The following ANKFN1 variants were observed in gnomAD, a reference collection of about 807,000 sequenced individuals.
The protein encoded by ANKFN1 is ankyrin repeat and fibronectin type III domain containing 1, also known as ankyrin repeat and fibronectin type-III domain-containing protein 1.
ANKFN1 carries 74 observed loss-of-function variants against 108.7 expected under a neutral mutation model. The ratio of observed to expected loss-of-function variants is 0.68; its 90% CI spans 0.56 to 0.83. The LOEUF (loss-of-function observed/expected upper bound fraction) is 0.83. Ranked by LOEUF, ANKFN1 falls within the 40% of genes least tolerant of loss-of-function variation. The probability of loss-of-function intolerance (pLI) is 0.00; values close to 1 mark genes in which losing one functional copy is unlikely to be tolerated. For synonymous variants in ANKFN1, 547 were observed against 516.2 expected (o/e 1.06, Z -0.81); for missense variants, 1,505 against 1,382.3 (o/e 1.09, Z -1.41).
intron 8 of ANKFN1, among the ~76,000 whole-genome samples, chr17:56,433,300 A>G (rs1466505516): frequency 2.0e-5 from 3 of 152,182 alleles, no homozygotes; most frequent in African/African-American, 7.2e-5. Flanking sequence ...GTAAAACAAA[A>G]AGCAACAAAG....
At chr17:56,459,616 A>G (rs1284615158) in intron 14 of ANKFN1, among the ~76,000 whole-genome samples, 1 of 152,202 alleles carries the variant, frequency 6.6e-6, no homozygotes, top group Non-Finnish European at 1.5e-5. Flanking sequence ...GGATCCTCCC[A>G]TCATCCTACC....
At chr17:56,048,670 C>T (rs565418149) in intron 4 of ANKFN1, among the ~76,000 whole-genome samples, 1 of 152,310 alleles carries the variant, frequency 6.6e-6, no homozygotes, top group Non-Finnish European at 1.5e-5. Context: ...CTCTCATTTC[C>T]ATCCCTGTAA....
chr17:56,478,007 A>G (rs9908750), intron 16 of ANKFN1, among the ~76,000 whole-genome samples: 3 of 152,100 alleles, frequency 2.0e-5, no homozygotes, highest in East Asian at 1.9e-4. Context: ...TTGTATTTTT[A>G]GTAGAGATGG....
rs189429600 is a variant in ANKFN1 at position 56,207,805 on chromosome 17, T to C, written c.-70-4793T>C. Among the ~76,000 whole-genome samples the C allele has an allele frequency of 4.9e-4, 75 of 152,308 alleles. 1 individual carries two copies. The highest frequency in any genetic ancestry group is 3.1e-3 in the Admixed American group (48 of 15,306). On this transcript the variant is annotated intron_variant, in intron 1 of 20. Coordinates refer to ENST00000682825, the MANE Select transcript of ANKFN1 (RefSeq NM_001370326.1). ...CATTCATTTGTTTTCATCATGACACTATTCCAGATTTTGTCCTTTTAGATC... is the reference window on the plus strand; with the variant it reads ...CATTCATTTGTTTTCATCATGACACCATTCCAGATTTTGTCCTTTTAGATC...
At chr17:56,177,155 A>T (rs1911247112) in intron 1 of ANKFN1, among the ~76,000 whole-genome samples, 1 of 152,182 alleles carries the variant, frequency 6.6e-6, no homozygotes. Flanking sequence ...CAGAGTGAAC[A>T]GTTGACTAGC....
intron 3 of ANKFN1, among the ~76,000 whole-genome samples, chr17:56,307,699 G>A (rs142528988): frequency 0.018 from 2,792 of 152,256 alleles, 28 homozygotes; most frequent in Middle Eastern, 0.034. Flanking sequence ...AACTAGAAAT[G>A]CCATTTGACC....
At chr17:56,218,816 A>G (rs1014993035) in intron 2 of ANKFN1, among the ~76,000 whole-genome samples, 1 of 152,246 alleles carries the variant, frequency 6.6e-6, no homozygotes, top group Non-Finnish European at 1.5e-5. Context: ...AAAGACTGCC[A>G]TAAAAAGATT....
intron 4 of ANKFN1, among the ~76,000 whole-genome samples, chr17:56,122,402 T>A (rs1374440356): frequency 6.6e-6 from 1 of 152,214 alleles, no homozygotes; most frequent in Non-Finnish European, 1.5e-5. Context: ...TTCCATATCA[T>A]GGATTTGCTT....
chr17:56,279,776 A>G (rs1222660916), intron 3 of ANKFN1, among the ~76,000 whole-genome samples: 1 of 152,220 alleles, frequency 6.6e-6, no homozygotes, highest in Non-Finnish European at 1.5e-5. Flanking sequence ...CAAAATATTC[A>G]TATGACAGTT....
intron 2 of ANKFN1, among the ~76,000 whole-genome samples, chr17:56,213,326 T>TGC (rs1915170530): frequency 6.6e-6 from 1 of 152,184 alleles, no homozygotes; most frequent in South Asian, 2.1e-4. Context: ...CCGGTCTCTG[T>TGC]GCACACGAGC....
intron 3 of ANKFN1, among the ~76,000 whole-genome samples, chr17:56,303,976 G>A (rs535118143): frequency 3.1e-4 from 47 of 151,638 alleles, no homozygotes; most frequent in Admixed American, 2.3e-3. Flanking sequence ...GATTACAGGC[G>A]TGAGCCACCA....
chr17:56,174,404 T>A lies in ANKFN1; in HGVS notation c.-71+20874T>A, dbSNP rs575572199. The A allele has an allele frequency of 1.4e-3, 1,367 of 985,580 alleles. 2 individuals are homozygous for A. The highest frequency in any genetic ancestry group is 1.5e-3 in the Admixed American group (24 of 16,284). The allele number at this position is 985,580 out of a possible 1,614,324, so 61.1% of individuals were successfully genotyped here. A position where few individuals can be genotyped will look rare whatever the true frequency, so the allele number is the denominator to read the frequency against. On this transcript the variant is annotated intron_variant, in intron 1 of 20. Transcript: ENST00000682825. ...TGGAGGAGGGAGCAGAGGCTGAGGT[T>A]GGCTTCCAAATCTTCCAAGCAGTGA...
chr17:56,297,115 G>T (rs7210534), intron 3 of ANKFN1, among the ~76,000 whole-genome samples: 3,982 of 152,316 alleles, frequency 0.026, 86 homozygotes, highest in African/African-American at 0.056. Context: ...TTGGGGAAAG[G>T]TAATGGATGA....
chr17:56,292,917 A>G (rs1389734795), intron 3 of ANKFN1, among the ~76,000 whole-genome samples: 1 of 152,214 alleles, frequency 6.6e-6, no homozygotes, highest in Admixed American at 6.5e-5. Context: ...ATGTCTTTCC[A>G]GCTGAAATCT....
chr17:56,228,383 T>C (rs907285583), intron 3 of ANKFN1: 5 of 176,080 alleles, frequency 2.8e-5, no homozygotes, highest in Admixed American at 1.2e-4. Flanking sequence ...CCTTCCTGTG[T>C]GTACTGCGTT....
chr17:56,252,239 C>A (rs2043251452), intron 3 of ANKFN1: 1 of 152,070 alleles, frequency 6.6e-6, no homozygotes, highest in Non-Finnish European at 1.5e-5. Context: ...AACAGAAGAC[C>A]TGGAGGTAAT....
intron 4 of ANKFN1, among the ~76,000 whole-genome samples, chr17:56,090,193 G>A (rs1224260076): frequency 6.6e-6 from 1 of 151,216 alleles, no homozygotes; most frequent in Non-Finnish European, 1.5e-5. Flanking sequence ...GTGAAATGGG[G>A]CGCTGTATAG....
At chr17:56,184,201 G>A (rs1273007668) in intron 1 of ANKFN1, among the ~76,000 whole-genome samples, 1 of 152,104 alleles carries the variant, frequency 6.6e-6, no homozygotes, top group Non-Finnish European at 1.5e-5. Flanking sequence ...GAAAGGAAAA[G>A]TCAATCAATG....
intron 4 of ANKFN1, among the ~76,000 whole-genome samples, chr17:56,142,824 T>C (rs1478206759): frequency 6.6e-6 from 1 of 152,168 alleles, no homozygotes; most frequent in East Asian, 1.9e-4. Context: ...TAATTTGCCT[T>C]CTGTTTACCT....
Sources: allele counts gnomAD v4.1 joint callset (sites outside exome capture counted in the v4.1 genomes callset), GRCh38; gene constraint gnomAD v4.1.1; transcripts MANE v1.5; gene names NCBI Gene and HGNC (gene_info 2026-07-23, HGNC 2026-07-21).